The following PRKN variants were observed in gnomAD, a reference collection of about 807,000 sequenced individuals.
The protein encoded by PRKN is parkin RBR E3 ubiquitin protein ligase.
In PRKN, 56 loss-of-function variants were observed where a neutral mutation model predicts 59.5. The observed-to-expected ratio is 0.94, with a 90% confidence interval of 0.76 to 1.18. The LOEUF (loss-of-function observed/expected upper bound fraction) is 1.18. Ranked by LOEUF, PRKN falls within the 50% of genes most tolerant of loss-of-function variation. The pLI is 0.00. For synonymous variants in PRKN, 250 were observed against 222.1 expected, an observed-to-expected ratio of 1.13 and a Z score of -1.12; for missense variants, 657 against 596.4, an observed-to-expected ratio of 1.10 and a Z score of -1.06.
At chr6:162,621,885 G>A (rs555367155) in intron 1 of PRKN, among the ~76,000 whole-genome samples, 1 of 152,112 alleles carries the variant, frequency 6.6e-6, no homozygotes, top group South Asian at 2.1e-4. Context: ...GCACCATCTC[G>A]GCTTACTGCA....
At chr6:161,891,089 A>T (rs1419456186) in intron 6 of PRKN, among the ~76,000 whole-genome samples, 2 of 152,224 alleles carry the variant, frequency 1.3e-5, no homozygotes, top group Non-Finnish European at 2.9e-5. Flanking sequence ...ATGAGGGGGC[A>T]TTCTTTTAAA....
intron 8 of PRKN, among the ~76,000 whole-genome samples, chr6:161,556,920 A>G (rs1275333416): frequency 1.3e-5 from 2 of 152,202 alleles, no homozygotes; most frequent in Non-Finnish European, 2.9e-5. Flanking sequence ...ATGTCAAACT[A>G]TACTGACAGT....
chr6:162,558,819 T>C (rs1203769960), intron 1 of PRKN, among the ~76,000 whole-genome samples: 1 of 151,750 alleles, frequency 6.6e-6, no homozygotes, highest in Non-Finnish European at 1.5e-5. Flanking sequence ...TTTTTGTATT[T>C]GTGGTAGAGA....
rs1341530189 is a variant in PRKN at position 161,883,689 on chromosome 6, G to A, written c.734+89613C>T. Among the ~76,000 whole-genome samples, 10 of 151,150 alleles carry A rather than the reference G, an allele frequency of 6.6e-5. No individual in the cohort carries two copies. In the South Asian group the frequency reaches 1.5e-3, roughly 22 times the overall value. ...TATTAAGACAGAGTCTCACTCTGTC[G>A]CCCAGGCCAGAGCGCAGTGGTGAGA... On this transcript the variant is annotated intron_variant, in intron 6 of 11. Coordinates refer to ENST00000366898, the MANE Select transcript of PRKN (RefSeq NM_004562.3).
chr6:162,435,125 T>C (rs563312949), intron 2 of PRKN, among the ~76,000 whole-genome samples: 1 of 152,216 alleles, frequency 6.6e-6, no homozygotes, highest in Non-Finnish European at 1.5e-5. Flanking sequence ...AGTTTCAGTA[T>C]GGCATCTCTT....
At chr6:162,155,103 T>TAAAAA (rs5881453) in intron 4 of PRKN, among the ~76,000 whole-genome samples, 4 of 135,876 alleles carry the variant, frequency 2.9e-5, no homozygotes, top group African/African-American at 5.2e-5. Flanking sequence ...AAATAAAACC[T>TAAAAA]AAAAAAAAAA....
At chr6:162,592,348 A>C (rs1781344440) in intron 1 of PRKN, among the ~76,000 whole-genome samples, 1 of 152,286 alleles carries the variant, frequency 6.6e-6, no homozygotes, top group Admixed American at 6.5e-5. Context: ...TAATCCAATT[A>C]GATGTATTTA....
chr6:162,564,343 CA>C (rs550431458), intron 1 of PRKN, among the ~76,000 whole-genome samples: 19 of 144,586 alleles, frequency 1.3e-4, no homozygotes, highest in Non-Finnish European at 1.7e-4. Flanking sequence ...GACTCCATCT[CA>C]AAAAAAAAAG....
At chr6:162,457,352 AATC>A (rs1341632409) in intron 1 of PRKN, among the ~76,000 whole-genome samples, 1 of 152,164 alleles carries the variant, frequency 6.6e-6, no homozygotes, top group Non-Finnish European at 1.5e-5. Flanking sequence ...CTGAAGGGTA[AATC>A]ATCAGTTTTA....
At chr6:161,727,880 A>G (rs1787511352) in intron 7 of PRKN, among the ~76,000 whole-genome samples, 1 of 152,212 alleles carries the variant, frequency 6.6e-6, no homozygotes, top group Non-Finnish European at 1.5e-5. Flanking sequence ...TTCTCTGAAT[A>G]ACAAGATTAA....
rs1437638486 is a variant in PRKN, at chr6:161,549,564, ATTATTC to A, written c.934-567_934-562del. Among the ~76,000 whole-genome samples the A allele has an allele frequency of 6.6e-6, 1 of 152,060 alleles. No individual in the cohort carries two copies. The highest frequency in any genetic ancestry group is 1.5e-5 in the Non-Finnish European group (1 of 68,000). On this transcript the variant is annotated intron_variant, in intron 8 of 11. Coordinates refer to ENST00000366898, the MANE Select transcript of PRKN (RefSeq NM_004562.3). This position sits in a 1 kb window ranked among gnomAD's most constrained non-coding sequence, Gnocchi z 6.0. ...TAAACAATCACATTTTCCCTTTATC[ATTATTC>A]TTATTCTTAAAGCATGATTTCTTGT...
At chr6:162,139,104 T>C (rs1432175015) in intron 4 of PRKN, among the ~76,000 whole-genome samples, 2 of 152,182 alleles carry the variant, frequency 1.3e-5, no homozygotes, top group African/African-American at 4.8e-5. Flanking sequence ...AAAAGAAGTT[T>C]AAAGTAATGA....
At chr6:162,264,941 ACT>A (rs1187943097) in intron 2 of PRKN, among the ~76,000 whole-genome samples, 1 of 150,044 alleles carries the variant, frequency 6.7e-6, no homozygotes, top group Non-Finnish European at 1.5e-5. Context: ...CACATCTTCA[ACT>A]CTTTTACATC....
chr6:162,175,313 G>C (rs1341202094), intron 4 of PRKN, among the ~76,000 whole-genome samples: 3 of 152,182 alleles, frequency 2.0e-5, no homozygotes, highest in Non-Finnish European at 4.4e-5. Flanking sequence ...GAAAAGAAAA[G>C]TGAGCCAGGG....
chr6:162,261,011 T>G (rs889061161), intron 3 of PRKN, among the ~76,000 whole-genome samples: 1 of 152,110 alleles, frequency 6.6e-6, no homozygotes, highest in East Asian at 1.9e-4. Context: ...ACTGTACATG[T>G]GAGACACCCA....
At chr6:162,069,689 CT>C (rs1361855838) in intron 4 of PRKN, among the ~76,000 whole-genome samples, 1 of 152,168 alleles carries the variant, frequency 6.6e-6, no homozygotes, top group Admixed American at 6.5e-5. Context: ...GAAGTTAATT[CT>C]GCAGAAAGAA....
At chr6:162,255,405 C>A (rs946311118) in intron 3 of PRKN, among the ~76,000 whole-genome samples, 6 of 152,158 alleles carry the variant, frequency 3.9e-5, no homozygotes, top group African/African-American at 7.2e-5. Context: ...GAGTTAGGTA[C>A]TTTTTCCTTA....
At chr6:162,287,129 A>G (rs938365144) in intron 2 of PRKN, among the ~76,000 whole-genome samples, 1 of 152,214 alleles carries the variant, frequency 6.6e-6, no homozygotes, top group Non-Finnish European at 1.5e-5. Context: ...CAGAAAAATG[A>G]TAACAGATTA....
chr6:162,052,340 T>C (rs936181883), intron 5 of PRKN, among the ~76,000 whole-genome samples: 1 of 152,098 alleles, frequency 6.6e-6, no homozygotes, highest in Non-Finnish European at 1.5e-5. Context: ...TTTCCAATCG[T>C]TTTGTTTTGT....
Sources: gnomAD v4.1 joint callset for allele counts (sites outside exome capture counted in the v4.1 genomes callset) on GRCh38, gnomAD v4.1.1 for gene constraint, Gnocchi (gnomAD v3.1) non-coding constraint, MANE v1.5 for transcripts, NCBI Gene and HGNC (gene_info 2026-07-23, HGNC 2026-07-21) for gene names.